The following LMNTD1 variants were observed in gnomAD, a reference collection of about 807,000 sequenced individuals.
The protein encoded by LMNTD1 is lamin tail domain-containing protein 1.
In LMNTD1, 35 loss-of-function variants were observed where a neutral mutation model predicts 50.9. The observed-to-expected ratio is 0.69, with a 90% CI of 0.53 to 0.91. The LOEUF (loss-of-function observed/expected upper bound fraction) is 0.91, where lower values mean the gene tolerates loss of function less well. LMNTD1 is among the 40% of genes least tolerant of loss of function. The pLI is 0.00. For synonymous variants in LMNTD1, 153 were observed against 161.9 expected (o/e 0.94, Z 0.42); for missense variants, 470 against 475.5 (o/e 0.99, Z 0.11).
intron 8 of LMNTD1, among the ~76,000 whole-genome samples, chr12:25,515,713 C>A (rs1341581795): frequency 6.6e-6 from 1 of 152,026 alleles, no homozygotes; most frequent in Non-Finnish European, 1.5e-5. Flanking sequence ...GTTGGAAATA[C>A]AGTGTGTAGA....
intron 9 of LMNTD1, among the ~76,000 whole-genome samples, chr12:25,501,152 G>A (rs1219638896): frequency 6.6e-6 from 1 of 152,038 alleles, no homozygotes; most frequent in African/African-American, 2.4e-5. Flanking sequence ...ACAATGCCCA[G>A]CTAATTTTTG....
chr12:25,497,425 T>G (rs1939124796), intron 9 of LMNTD1: 1 of 152,286 alleles, frequency 6.6e-6, no homozygotes. Flanking sequence ...TTTAACCATC[T>G]GCGAGCCTAA....
chr12:25,492,683 C>T (rs879425080), intron 9 of LMNTD1, among the ~76,000 whole-genome samples: 1 of 151,924 alleles, frequency 6.6e-6, no homozygotes, highest in Non-Finnish European at 1.5e-5. Context: ...TCAAGCAAGT[C>T]ATAAAAAGCA....
At chr12:25,484,967 G>A (rs1938574342) in intron 9 of LMNTD1, among the ~76,000 whole-genome samples, 1 of 151,956 alleles carries the variant, frequency 6.6e-6, no homozygotes, top group African/African-American at 2.4e-5. Flanking sequence ...ATAAACATAT[G>A]TGTGCATGTG....
chr12:25,628,149 G>A (rs950501768), intron 1 of LMNTD1, among the ~76,000 whole-genome samples: 7 of 133,206 alleles, frequency 5.3e-5, no homozygotes, highest in Non-Finnish European at 9.6e-5. Context: ...GGCAAAGGAT[G>A]TTATAAAAGG....
chr12:25,611,878 T>G (rs1332538961), intron 1 of LMNTD1, among the ~76,000 whole-genome samples: 1 of 152,244 alleles, frequency 6.6e-6, no homozygotes, highest in Non-Finnish European at 1.5e-5. Context: ...TACACTTGGA[T>G]TTCCTTTGCT....
At chr12:25,478,092 G>A (rs1048166167) in intron 9 of LMNTD1, among the ~76,000 whole-genome samples, 1 of 152,048 alleles carries the variant, frequency 6.6e-6, no homozygotes. Flanking sequence ...CAGATTAAGG[G>A]TGGGTTTGCC....
chr12:25,496,718 G>C (rs1374173170), intron 9 of LMNTD1, among the ~76,000 whole-genome samples: 1 of 152,126 alleles, frequency 6.6e-6, no homozygotes, highest in Non-Finnish European at 1.5e-5. Context: ...TTTATTAGAA[G>C]TACTTTGTAA....
At chr12:25,575,440 G>A (rs1944964238) in intron 1 of LMNTD1, among the ~76,000 whole-genome samples, 1 of 152,108 alleles carries the variant, frequency 6.6e-6, no homozygotes, top group Admixed American at 6.5e-5. Flanking sequence ...ATTCATTCCA[G>A]GGCAACAGCA....
chr12:25,586,249 C>A (rs1945521815), intron 1 of LMNTD1: 1 of 151,848 alleles, frequency 6.6e-6, no homozygotes, highest in African/African-American at 2.4e-5. Flanking sequence ...GATGATACCT[C>A]TACCTACTCA....
intron 1 of LMNTD1, among the ~76,000 whole-genome samples, chr12:25,598,608 C>T (rs1945892642): frequency 6.6e-6 from 1 of 151,222 alleles, no homozygotes; most frequent in African/African-American, 2.4e-5. Flanking sequence ...ACGCTTTTAA[C>T]CAGACTAAGA....
chr12:25,546,295 A>G, intron 4 of LMNTD1, 79 bp downstream of exon 4: 1 of 788,292 alleles, frequency 1.3e-6, no homozygotes, highest in Non-Finnish European at 1.9e-6. Context: ...ATATAACTAC[A>G]GATTAGAACT....
At chr12:25,630,392 G>A (rs950127083) in intron 1 of LMNTD1, among the ~76,000 whole-genome samples, 1 of 152,090 alleles carries the variant, frequency 6.6e-6, no homozygotes, top group African/African-American at 2.4e-5. Flanking sequence ...TTTAGCTCCA[G>A]GTCAACTGCA....
intron 1 of LMNTD1, among the ~76,000 whole-genome samples, chr12:25,612,721 T>C (rs1321248748): frequency 6.6e-6 from 1 of 152,088 alleles, no homozygotes; most frequent in African/African-American, 2.4e-5. Flanking sequence ...ATATATATTT[T>C]TAAATGTCCC....
intron 8 of LMNTD1, among the ~76,000 whole-genome samples, chr12:25,513,102 A>C (rs1412611764): frequency 6.6e-6 from 1 of 152,198 alleles, no homozygotes; most frequent in Non-Finnish European, 1.5e-5. Context: ...AATTCAGAAC[A>C]TTCCCCCAAA....
intron 1 of LMNTD1, among the ~76,000 whole-genome samples, chr12:25,571,092 C>T (rs73298474): frequency 5.5e-4 from 83 of 152,260 alleles, no homozygotes; most frequent in African/African-American, 1.9e-3. Flanking sequence ...CCTTGAAATC[C>T]TTAGTAATTT....
chr12:25,556,627 G>A (rs368842359), upstream of LMNTD1, among the ~76,000 whole-genome samples: 12 of 151,960 alleles, frequency 7.9e-5, no homozygotes, highest in South Asian at 2.1e-4. Flanking sequence ...CCTTTACCCC[G>A]CGTTGGGAAA....
intron 4 of LMNTD1, among the ~76,000 whole-genome samples, chr12:25,539,932 G>C (rs1312544731): frequency 6.6e-6 from 1 of 151,588 alleles, no homozygotes; most frequent in Non-Finnish European, 1.5e-5. Flanking sequence ...TACCATCAGA[G>C]AATACTACAA....
chr12:25,628,681 A>G (rs765553493), intron 1 of LMNTD1, among the ~76,000 whole-genome samples: 12 of 152,210 alleles, frequency 7.9e-5, no homozygotes, highest in Non-Finnish European at 1.3e-4. Flanking sequence ...AGAGAAGGCC[A>G]TGCGACAATG....
Sources: gnomAD v4.1 joint callset for allele counts (sites outside exome capture counted in the v4.1 genomes callset) on GRCh38, gnomAD v4.1.1 for gene constraint, MANE v1.5 for transcripts, NCBI Gene and HGNC (gene_info 2026-07-23, HGNC 2026-07-21) for gene names.